MAP4: variants seen among roughly 807,000 people sequenced by gnomAD.
The protein encoded by MAP4 is microtubule associated protein 4.
In MAP4, 76 loss-of-function variants were observed where a neutral mutation model predicts 170.2. That is an observed-to-expected ratio of 0.45 (90% CI 0.37 to 0.54). The LOEUF (loss-of-function observed/expected upper bound fraction) is 0.54, where lower values mean the gene tolerates loss of function less well. Ranked by LOEUF, MAP4 falls within the 20% of genes least tolerant of loss-of-function variation. MAP4 has a pLI of 0.00. For synonymous variants in MAP4, 909 were observed against 994.5 expected (o/e 0.91, Z 1.62); for missense variants, 2,506 against 2,748.0 (o/e 0.91, Z 1.97).
chr3:47,909,901 C>T lies in MAP4; in HGVS notation c.4520G>A (p.Gly1507Glu), dbSNP rs1560013277. 6 of 1,613,998 alleles carry T rather than the reference C, an allele frequency of 3.7e-6. No homozygotes were observed. Among genetic ancestry groups the T allele is most frequent in the African/African-American group, 2.7e-5 (2 of 75,048 alleles). The part of the protein sequence containing the change: ...SAVVPSTSTG[G>E]VALPITTAIE... ...GGCTGTTGTAATAGGTAGAGCAACT[C>T]CTCCTGTGCTTGTAGAGGGCACAAC... is the stretch of plus-strand genomic sequence containing the variant. Residue 1507 changes from glycine to glutamate, a missense_variant, in exon 9 of 21, where the codon GGA (glycine) becomes GAA (glutamate). By Grantham distance (98) the Gly-to-Glu change is moderately conservative. Transcript: ENST00000683076.
chr3:47,883,236 CTTT>C (rs1244993495), intron 10 of MAP4, among the ~76,000 whole-genome samples: 1 of 150,784 alleles, frequency 6.6e-6, no homozygotes, highest in Non-Finnish European at 1.5e-5. Flanking sequence ...TATTATATTC[CTTT>C]TTTTTTGGAG....
intron 17 of MAP4, among the ~76,000 whole-genome samples, chr3:47,858,308 C>T (rs563127179): frequency 3.3e-5 from 5 of 152,102 alleles, no homozygotes; most frequent in African/African-American, 4.8e-5. Context: ...CCACCACGCC[C>T]GGCCACCAGC....
intron 3 of MAP4, among the ~76,000 whole-genome samples, chr3:47,970,415 G>A (rs970845894): frequency 1.3e-5 from 2 of 151,950 alleles, no homozygotes; most frequent in African/African-American, 2.4e-5. Context: ...AACCCAGGAG[G>A]TGGAGGTTGT....
chr3:47,870,662 A>G, intron 15 of MAP4, 151 bp downstream of exon 15: 2 of 739,412 alleles, frequency 2.7e-6, no homozygotes, highest in East Asian at 6.1e-5. Flanking sequence ...CTGGGGCACA[A>G]AACCCACTAC....
intron 4 of MAP4, among the ~76,000 whole-genome samples, chr3:47,925,025 T>C (rs1249121086): frequency 6.6e-6 from 1 of 152,196 alleles, no homozygotes; most frequent in Non-Finnish European, 1.5e-5. Flanking sequence ...TTGGCCAGGA[T>C]GGTCTCCATC....
intron 5 of MAP4, 59 bp from the exon 6 acceptor site, chr3:47,918,900 G>T: frequency 2.8e-6 from 4 of 1,434,146 alleles, no homozygotes; most frequent in Non-Finnish European, 3.9e-6. Context: ...GAAACAAAAG[G>T]TATTTGATAT....
At chr3:47,980,968 T>C (rs1199362769) in intron 2 of MAP4, among the ~76,000 whole-genome samples, 2 of 152,202 alleles carry the variant, frequency 1.3e-5, no homozygotes, top group Non-Finnish European at 2.9e-5. Context: ...CAAGGGTAAT[T>C]TCATTACATC....
chr3:47,875,258 C>A (rs1379115416), intron 12 of MAP4, among the ~76,000 whole-genome samples: 1 of 151,874 alleles, frequency 6.6e-6, no homozygotes, highest in African/African-American at 2.4e-5. Context: ...GGAATTATAC[C>A]AAAAAAGAAT....
chr3:47,853,702 T>G (rs1448471297), intron 19 of MAP4, among the ~76,000 whole-genome samples: 1 of 152,006 alleles, frequency 6.6e-6, no homozygotes, highest in African/African-American at 2.4e-5. Flanking sequence ...GCCTGAAGGG[T>G]AGCCCCCTGA....
Position 47,855,570 on chromosome 3 carries a change from C to T in MAP4, c.6584-210G>A, listed in dbSNP as rs1311895479. On this transcript the variant is annotated intron_variant, in intron 18 of 20. Coordinates refer to ENST00000683076, the MANE Select transcript of MAP4 (RefSeq NM_001385682.1). The surrounding 1 kb of genome is among the most constrained non-coding windows in gnomAD (Gnocchi z 5.1). ...CTCTCCGTCCAGCCAGTGGGAATAC[C>T]TCCAAGAAAAGGAAAGCCATCCCTT... 6.6e-6 allele frequency among the ~76,000 whole-genome samples: 1 copy of T among 152,228 alleles called. No homozygotes were observed. Among genetic ancestry groups the T allele is most frequent in the East Asian group, 1.9e-4 (1 of 5,200 alleles).
chr3:47,969,047 G>A (rs1379135187), intron 3 of MAP4, among the ~76,000 whole-genome samples: 2 of 148,686 alleles, frequency 1.3e-5, no homozygotes, highest in East Asian at 1.9e-4. Context: ...AGAAAAAAAC[G>A]TTTGGGTGGA....
chr3:48,063,084 A>G (rs1232533371), intron 1 of MAP4, among the ~76,000 whole-genome samples: 6 of 152,200 alleles, frequency 3.9e-5, no homozygotes, highest in Admixed American at 2.0e-4. Flanking sequence ...TTAAGACAAC[A>G]ATAATTCTGA....
chr3:47,927,214 C>A (rs569400066), intron 4 of MAP4, among the ~76,000 whole-genome samples: 6 of 151,796 alleles, frequency 4.0e-5, no homozygotes, highest in Non-Finnish European at 8.8e-5. Flanking sequence ...ACCCTCCCCC[C>A]ATAATTACTT....
chr3:48,050,820 G>C (rs2100127367), intron 1 of MAP4, among the ~76,000 whole-genome samples: 1 of 150,770 alleles, frequency 6.6e-6, no homozygotes, highest in South Asian at 2.1e-4. Context: ...CAAGAGAATC[G>C]CTTGAACCCA....
At chr3:47,923,385 G>A (rs978868778) in intron 4 of MAP4, among the ~76,000 whole-genome samples, 2 of 151,210 alleles carry the variant, frequency 1.3e-5, no homozygotes, top group African/African-American at 4.9e-5. Flanking sequence ...TGAACAAGCA[G>A]AAGGCAATAT....
At chr3:48,033,512 G>C (rs1323642832) in intron 1 of MAP4, among the ~76,000 whole-genome samples, 1 of 152,016 alleles carries the variant, frequency 6.6e-6, no homozygotes, top group African/African-American at 2.4e-5. Context: ...TTTAATTGAA[G>C]TGAAGTTTAC....
At chr3:47,883,663 A>C (rs1672404822) in intron 10 of MAP4, among the ~76,000 whole-genome samples, 1 of 152,176 alleles carries the variant, frequency 6.6e-6, no homozygotes, top group African/African-American at 2.4e-5. Flanking sequence ...ACAAATTCTT[A>C]GTTTTCCTTT....
intron 3 of MAP4, among the ~76,000 whole-genome samples, chr3:47,930,742 C>CA (rs1346115492): frequency 6.6e-6 from 1 of 151,524 alleles, no homozygotes; most frequent in Non-Finnish European, 1.5e-5. Flanking sequence ...TCCTGGCTAA[C>CA]ACAGTGAAAC....
chr3:47,974,541 G>T (rs1578599614), intron 3 of MAP4: 1 of 977,078 alleles, frequency 1.0e-6, no homozygotes, highest in East Asian at 1.1e-4. Context: ...TCAGTAAAAG[G>T]ATAGAAAACT....
Sources: allele counts gnomAD v4.1 joint callset (sites outside exome capture counted in the v4.1 genomes callset), GRCh38; gene constraint gnomAD v4.1.1; non-coding constraint Gnocchi (gnomAD v3.1); transcripts MANE v1.5; gene names NCBI Gene and HGNC (gene_info 2026-07-23, HGNC 2026-07-21).